Variants in BICD1 observed in about 807,000 individuals in gnomAD.
BICD1 encodes the protein protein bicaudal D homolog 1.
Under a neutral mutation model 92.5 loss-of-function variants are expected in BICD1, and 35 were observed. That is an observed-to-expected ratio of 0.38 (90% CI 0.29 to 0.50). The LOEUF (loss-of-function observed/expected upper bound fraction) is 0.50. Among genes scored for constraint, BICD1 ranks in the 20% least tolerant of loss-of-function variants. The probability of loss-of-function intolerance (pLI) is 0.93; values close to 1 mark genes in which losing one functional copy is unlikely to be tolerated. For synonymous variants in BICD1, 429 were observed against 465.1 expected, an observed-to-expected ratio of 0.92 and a Z score of 1.00; for missense variants, 950 against 1,189.8, an observed-to-expected ratio of 0.80 and a Z score of 2.97.
intron 2 of BICD1, among the ~76,000 whole-genome samples, chr12:32,263,871 G>A (rs1946923312): frequency 6.6e-6 from 1 of 152,214 alleles, no homozygotes; most frequent in South Asian, 2.1e-4. Context: ...CTAGCAGAGT[G>A]CTTTGCATGG....
intron 9 of BICD1, among the ~76,000 whole-genome samples, chr12:32,375,234 A>G (rs1939902845): frequency 1.3e-5 from 2 of 151,844 alleles, no homozygotes; most frequent in African/African-American, 2.4e-5. Flanking sequence ...CTTATTTTCC[A>G]ATTTATAAAT....
In BICD1 at chr12:32,128,150, C is replaced by T. The variant is rs569065602; in HGVS notation, c.213+20606C>T. On this transcript the variant is annotated intron_variant, in intron 1 of 9. Transcript: ENST00000652176. ...AACTCCTGACCTCAGGTGATCTGCC[C>T]GCCTCCGCCTCCCAAAGTGTTGGGA... Among the ~76,000 whole-genome samples the T allele has an allele frequency of 3.3e-3, 504 of 152,232 alleles. 2 individuals carry two copies. The highest frequency in any genetic ancestry group is 0.011 in the African/African-American group (462 of 41,550).
intron 8 of BICD1, among the ~76,000 whole-genome samples, chr12:32,358,563 C>T: frequency 6.6e-6 from 1 of 151,930 alleles, no homozygotes; most frequent in South Asian, 2.1e-4. Context: ...ATGGCGAAAC[C>T]CCGTCTCTAC....
At chr12:32,308,518 T>C (rs1164393784) in intron 4 of BICD1, among the ~76,000 whole-genome samples, 1 of 152,216 alleles carries the variant, frequency 6.6e-6, no homozygotes, top group Non-Finnish European at 1.5e-5. Flanking sequence ...TTATGAACTG[T>C]TATCATTATT....
chr12:32,344,851 A>G (rs1938509537), intron 8 of BICD1, among the ~76,000 whole-genome samples: 1 of 152,186 alleles, frequency 6.6e-6, no homozygotes. Flanking sequence ...TTGAACTAGT[A>G]GGAGTGAAGG....
intron 1 of BICD1, among the ~76,000 whole-genome samples, chr12:32,124,471 T>A (rs58108165): frequency 2.5e-3 from 375 of 152,274 alleles, no homozygotes; most frequent in African/African-American, 8.7e-3. Flanking sequence ...ATAATAACTA[T>A]AAGTGGTAAG....
At chr12:32,151,818 G>A (rs1287878583) in intron 1 of BICD1, among the ~76,000 whole-genome samples, 1 of 152,162 alleles carries the variant, frequency 6.6e-6, no homozygotes, top group Non-Finnish European at 1.5e-5. Flanking sequence ...CTGCACATCT[G>A]CTTCTTTCTT....
intron 2 of BICD1, among the ~76,000 whole-genome samples, chr12:32,264,260 C>T (rs1946934369): frequency 6.6e-6 from 1 of 152,124 alleles, no homozygotes; most frequent in African/African-American, 2.4e-5. Context: ...TTAAGTATAT[C>T]TCCTCAACTA....
chr12:32,367,482 GAAA>G, intron 8 of BICD1, 185 bp from the exon 9 acceptor site: 4 of 408,036 alleles, frequency 9.8e-6, no homozygotes, highest in South Asian at 8.1e-5. Context: ...CTGTATTTAA[GAAA>G]AAAAAAAAAG....
At chr12:32,192,705 T>G (rs1944611963) in intron 1 of BICD1, among the ~76,000 whole-genome samples, 1 of 152,142 alleles carries the variant, frequency 6.6e-6, no homozygotes. Flanking sequence ...TACATAAAAG[T>G]GCAAATAAGC....
At chr12:32,276,147 T>G (rs113783223) in intron 2 of BICD1, among the ~76,000 whole-genome samples, 4,233 of 152,230 alleles carry the variant, frequency 0.028, 215 homozygotes, top group African/African-American at 0.097. Context: ...GAGCCCCAGA[T>G]GCAGTCCATG....
chr12:32,162,592 A>G (rs1943632575), intron 1 of BICD1, among the ~76,000 whole-genome samples: 1 of 152,190 alleles, frequency 6.6e-6, no homozygotes, highest in Admixed American at 6.5e-5. Flanking sequence ...TGCCTGGCTA[A>G]TGGTAATTCA....
At chr12:32,375,646 G>T (rs533335481) in intron 9 of BICD1, among the ~76,000 whole-genome samples, 2 of 152,266 alleles carry the variant, frequency 1.3e-5, no homozygotes, top group East Asian at 3.9e-4. Flanking sequence ...TTTTATCACT[G>T]CTTGTCTTAA....
At chr12:32,119,864 CTG>C (rs1469786164) in intron 1 of BICD1, among the ~76,000 whole-genome samples, 5 of 114,052 alleles carry the variant, frequency 4.4e-5, no homozygotes, top group Admixed American at 1.1e-4. Flanking sequence ...GAACAAGACT[CTG>C]TCTCAAAACA....
intron 1 of BICD1, among the ~76,000 whole-genome samples, chr12:32,137,859 G>A (rs374191791): frequency 1.3e-5 from 2 of 151,732 alleles, no homozygotes; most frequent in African/African-American, 2.4e-5. Flanking sequence ...GTGCAGTGGC[G>A]CGATCTCAGT....
At chr12:32,339,589 T>A in intron 8 of BICD1, 1 of 985,434 alleles carries the variant, frequency 1.0e-6, no homozygotes, top group Non-Finnish European at 1.2e-6. Context: ...TCTTTCTTCC[T>A]TCCTTCCTTT....
Position 32,380,606 on chromosome 12 carries a change from G to C in BICD1, c.*2979G>C, listed in dbSNP as rs567309626. On this transcript the variant is annotated 3_prime_UTR_variant, in exon 10 of 10. Transcript: ENST00000652176. ...AAAAAATAAGAAGAAGCAATAAATT[G>C]TCTTTGGCCTGAGTGCTGAGTGGCA... is the stretch of plus-strand genomic sequence containing the variant. The C allele has an allele frequency of 6.6e-6, 1 of 152,214 alleles. No individual in the cohort carries two copies. Among genetic ancestry groups the C allele is most frequent in the African/African-American group, 2.4e-5 (1 of 41,568 alleles). The allele number at this position is 152,214 out of a possible 1,614,324, so 9.4% of individuals were successfully genotyped here. A position where few individuals can be genotyped will look rare whatever the true frequency, so the allele number is the denominator to read the frequency against.
intron 2 of BICD1, among the ~76,000 whole-genome samples, chr12:32,238,716 GGGCA>G (rs1250527661): frequency 1.4e-5 from 2 of 143,888 alleles, no homozygotes; most frequent in African/African-American, 5.2e-5. Context: ...AGGCCAAGGT[GGGCA>G]GATCACCTAA....
intron 5 of BICD1, among the ~76,000 whole-genome samples, chr12:32,333,532 G>T (rs138749322): frequency 2.0e-5 from 3 of 152,208 alleles, no homozygotes; most frequent in Admixed American, 6.5e-5. Context: ...AACCAAGGTA[G>T]TCTTCCTGGG....
Sources: gnomAD v4.1 joint callset for allele counts (sites outside exome capture counted in the v4.1 genomes callset) on GRCh38, gnomAD v4.1.1 for gene constraint, MANE v1.5 for transcripts, NCBI Gene and HGNC (gene_info 2026-07-23, HGNC 2026-07-21) for gene names.